The following PCDHGA7 variants were observed in gnomAD, a reference collection of about 807,000 sequenced individuals.
PCDHGA7 encodes protocadherin gamma-A7.
Under a neutral mutation model 58.3 loss-of-function variants are expected in PCDHGA7, and 44 were observed. The ratio of observed to expected loss-of-function variants is 0.75; its 90% CI spans 0.59 to 0.97. PCDHGA7 has a LOEUF of 0.97. Among genes scored for constraint, PCDHGA7 ranks in the 50% least tolerant of loss-of-function variants. The pLI, the probability that PCDHGA7 is intolerant of heterozygous loss-of-function variation, is 0.00. For synonymous variants in PCDHGA7, 516 were observed against 504.2 expected (o/e 1.02, Z -0.31); for missense variants, 1,266 against 1,188.7 (o/e 1.06, Z -0.96).
At chr5:141,469,374 A>G (rs1270202528) in intron 1 of PCDHGA7, among the ~76,000 whole-genome samples, 1 of 152,076 alleles carries the variant, frequency 6.6e-6, no homozygotes, top group Non-Finnish European at 1.5e-5. Flanking sequence ...AAAGAGATCG[A>G]GACCATCCTG....
At chr5:141,413,958 G>C in intron 1 of PCDHGA7, 1 of 1,613,392 alleles carries the variant, frequency 6.2e-7, no homozygotes, top group African/African-American at 1.3e-5. Flanking sequence ...ATTTGCCTGT[G>C]GGCACTCAGC....
chr5:141,436,842 T>G (rs986680968), intron 1 of PCDHGA7, among the ~76,000 whole-genome samples: 3 of 152,376 alleles, frequency 2.0e-5, no homozygotes, highest in African/African-American at 7.2e-5. Flanking sequence ...CCTAGGCACA[T>G]TCTTGATTGA....
chr5:141,487,109 G>A lies in PCDHGA7; in HGVS notation c.2425-7698G>A. 2 of 1,614,122 alleles carry A rather than the reference G, an allele frequency of 1.2e-6. No homozygotes were observed. Among genetic ancestry groups the A allele is most frequent in the Non-Finnish European group, 1.7e-6 (2 of 1,180,004 alleles). ...CCTCCCACCACAGAAGCTGGTCATTGTGGTAAAGGATAGTGGTAGTCCACC... is the reference window on the plus strand; with the variant it reads ...CCTCCCACCACAGAAGCTGGTCATTATGGTAAAGGATAGTGGTAGTCCACC... On this transcript the variant is annotated intron_variant, in intron 1 of 3. Transcript: ENST00000518325. This position sits in a 1 kb window ranked among gnomAD's most constrained non-coding sequence, Gnocchi z 5.0.
At position 141,490,938 on chromosome 5, in the gene PCDHGA7, C is replaced by T. The variant is rs2099706179; in HGVS notation, c.2425-3869C>T. ...ATGATAATGCCCCAGCTGTGCTGCA[C>T]CCACGGCCAGACTGGGAACACTCAG... On this transcript the variant is annotated intron_variant, in intron 1 of 3. Coordinates refer to ENST00000518325, the MANE Select transcript of PCDHGA7 (RefSeq NM_018920.4). This position sits in a 1 kb window ranked among gnomAD's most constrained non-coding sequence, Gnocchi z 5.4. 6.2e-7 allele frequency: 1 copy of T among 1,613,554 alleles called. No homozygotes were observed. Among genetic ancestry groups the T allele is most frequent in the African/African-American group, 1.3e-5 (1 of 74,934 alleles).
In PCDHGA7 at chr5:141,389,259, G is replaced by T. The variant is rs374136353; in HGVS notation, c.2424+3936G>T. ...CTCACAGTCTTCCTATATAGTCCAC[G>T]TGGCCGAGAACAACCCGCCTGGAGC... On this transcript the variant is annotated intron_variant, in intron 1 of 3. Transcript: ENST00000518325. The T allele has an allele frequency of 1.4e-5, 22 of 1,613,888 alleles. No individual in the cohort carries two copies. The African/African-American group carries it at 2.4e-4, about 18-fold the overall frequency.
At chr5:141,427,818 G>A (rs1356936077) in intron 1 of PCDHGA7, 3 of 1,530,644 alleles carry the variant, frequency 2.0e-6, no homozygotes, top group Non-Finnish European at 2.7e-6. Context: ...GAGCGGGGTG[G>A]TGGTCGCGCA....
At chr5:141,417,648 T>A in intron 1 of PCDHGA7, 5 of 818,672 alleles carry the variant, frequency 6.1e-6, no homozygotes, top group Non-Finnish European at 9.1e-6. Flanking sequence ...TCCCTCAGCC[T>A]CTAGCCTGGG....
At chr5:141,433,195 T>C (rs765385329) in intron 1 of PCDHGA7, 8 of 1,582,476 alleles carry the variant, frequency 5.1e-6, no homozygotes, top group Non-Finnish European at 6.9e-6. Flanking sequence ...TGAGTTTATA[T>C]CAAATCTTCT....
intron 3 of PCDHGA7, 40 bp downstream of exon 3, chr5:141,505,521 T>C: frequency 1.9e-6 from 3 of 1,612,684 alleles, no homozygotes; most frequent in Non-Finnish European, 2.5e-6. Context: ...GTGGGAGACC[T>C]GGGGTTCTGG....
chr5:141,458,249 GCT>G (rs1291613361), intron 1 of PCDHGA7, among the ~76,000 whole-genome samples: 1 of 152,136 alleles, frequency 6.6e-6, no homozygotes, highest in African/African-American at 2.4e-5. Flanking sequence ...AAATGATACG[GCT>G]CTGATGAGTG....
intron 1 of PCDHGA7, among the ~76,000 whole-genome samples, chr5:141,456,919 C>T (rs2098898169): frequency 1.3e-5 from 2 of 152,124 alleles, no homozygotes; most frequent in South Asian, 4.1e-4. Context: ...GCCGAGATCG[C>T]ACCACTGCAC....
At chr5:141,395,535 C>T in intron 1 of PCDHGA7, 1 of 331,902 alleles carries the variant, frequency 3.0e-6, no homozygotes, top group Non-Finnish European at 5.4e-6. Flanking sequence ...GGTAATTTTG[C>T]TATTGTTTGT....
At chr5:141,488,259 C>T (rs1594750656) in intron 1 of PCDHGA7, among the ~76,000 whole-genome samples, 1 of 152,144 alleles carries the variant, frequency 6.6e-6, no homozygotes, top group African/African-American at 2.4e-5. Context: ...AAGGTTGGGG[C>T]GGGTTGGTCA....
At chr5:141,394,637 G>C (rs201732776) in intron 1 of PCDHGA7, 4 of 1,613,464 alleles carry the variant, frequency 2.5e-6, no homozygotes, top group African/African-American at 1.3e-5. Flanking sequence ...CCTACCGCCT[G>C]CTCAAGGCCA....
chr5:141,491,071 C>T lies in PCDHGA7; in HGVS notation c.2425-3736C>T, dbSNP rs987564933. 1 of 1,614,152 alleles carries T rather than the reference C, an allele frequency of 6.2e-7. No individual in the cohort carries two copies. Among genetic ancestry groups the T allele is most frequent in the Non-Finnish European group, 8.5e-7 (1 of 1,180,028 alleles). ...TGCGTGGCTCTCCTACTCACTGTTGCCACAGTCCACAGCCCCAGGACTGTT... is the reference window on the plus strand; with the variant it reads ...TGCGTGGCTCTCCTACTCACTGTTGTCACAGTCCACAGCCCCAGGACTGTT... On this transcript the variant is annotated intron_variant, in intron 1 of 3. Transcript: ENST00000518325. This position sits in a 1 kb window ranked among gnomAD's most constrained non-coding sequence, Gnocchi z 6.9.
chr5:141,403,762 T>A (rs1217388200), intron 1 of PCDHGA7: 1 of 1,613,736 alleles, frequency 6.2e-7, no homozygotes, highest in Non-Finnish European at 8.5e-7. Flanking sequence ...GCGACCTGGA[T>A]GAGGGAATCA....
Position 141,511,035 on chromosome 5 carries a change from C to A in PCDHGA7, c.2661C>A (p.His887Gln). Residue 887 changes from histidine to glutamine, a missense_variant, in exon 4 of 4, where the codon CAC becomes CAA. Physicochemically the swap from His to Gln is conservative, Grantham distance 24 (BLOSUM62 0). Transcript: ENST00000518325. The stretch of plus-strand genomic sequence containing the variant: ...ACGGACCCCAGTTCACCCTGCAGCA[C>A]GTGCCCGACTACCGCCAGAATGTCT... ...ARYGPQFTLQ[H>Q]VPDYRQNVYI... 2 of 1,614,208 alleles carry A rather than the reference C, an allele frequency of 1.2e-6. No individual in the cohort carries two copies. The highest frequency in any genetic ancestry group is 1.1e-5 in the South Asian group (1 of 91,088).
At chr5:141,393,147 G>A in intron 1 of PCDHGA7, 2 of 1,613,298 alleles carry the variant, frequency 1.2e-6, no homozygotes, top group Non-Finnish European at 1.7e-6. Flanking sequence ...CCTGGTTGAG[G>A]ATAAAGGAAA....
intron 1 of PCDHGA7, chr5:141,395,122 T>C (rs72790033): frequency 0.028 from 44,899 of 1,614,158 alleles, 731 homozygotes; most frequent in Non-Finnish European, 0.032. Flanking sequence ...CACCTGATCT[T>C]TCCCCAGCCC....
Sources: gnomAD v4.1 joint callset for allele counts (sites outside exome capture counted in the v4.1 genomes callset) on GRCh38, gnomAD v4.1.1 for gene constraint, Gnocchi (gnomAD v3.1) non-coding constraint, MANE v1.5 for transcripts, NCBI Gene and HGNC (gene_info 2026-07-23, HGNC 2026-07-21) for gene names.